Variants in SRP68 observed in about 807,000 individuals in gnomAD.
The protein encoded by SRP68 is signal recognition particle 68, also known as signal recognition particle subunit SRP68.
SRP68 carries 15 observed loss-of-function variants against 82.2 expected under a neutral mutation model. The observed-to-expected ratio is 0.18, with a 90% CI of 0.12 to 0.28. SRP68 has a LOEUF of 0.28. Ranked by LOEUF, SRP68 falls within the 10% of genes least tolerant of loss-of-function variation. The pLI is 1.00. For missense variants in SRP68, 595 were observed against 780.5 expected (o/e 0.76, Z 2.83); for synonymous variants, 261 against 292.6 (o/e 0.89, Z 1.10).
intron 4 of SRP68, among the ~76,000 whole-genome samples, chr17:76,063,077 A>G (rs1252030890): frequency 1.3e-5 from 2 of 151,872 alleles, no homozygotes; most frequent in African/African-American, 4.8e-5. Context: ...GCCTAAGAAT[A>G]TAGATATATT....
chr17:76,064,550 C>G, intron 3 of SRP68, among the ~76,000 whole-genome samples: 1 of 152,092 alleles, frequency 6.6e-6, no homozygotes, highest in East Asian at 1.9e-4. Context: ...CCTTAAGAGG[C>G]AGTATATTGC....
chr17:76,060,482 T>G (rs971824081), intron 6 of SRP68, 92 bp from the exon 7 acceptor site: 10 of 807,424 alleles, frequency 1.2e-5, no homozygotes, highest in Non-Finnish European at 2.1e-5. Flanking sequence ...CTCTTCCCCC[T>G]CCACATGCTA....
Position 76,072,128 on chromosome 17 carries a change from A to G in SRP68, c.184+180T>C, listed in dbSNP as rs1349540333. On this transcript the variant is annotated intron_variant, in intron 1 of 15. Coordinates refer to ENST00000307877, the MANE Select transcript of SRP68 (RefSeq NM_014230.4). This position sits in a 1 kb window ranked among gnomAD's most constrained non-coding sequence, Gnocchi z 4.5. ...CCAGGACGGCGAGGGGGACACGAGG[A>G]AAGACTAGTCGAGAGACAGACCCCC... 7.4e-6 allele frequency: 9 copies of G among 1,212,892 alleles called. No homozygotes were observed. The highest frequency in any genetic ancestry group is 1.0e-5 in the Non-Finnish European group (9 of 879,962). The allele number at this position is 1,212,892 out of a possible 1,614,324, so 75.1% of individuals were successfully genotyped here. A position where few individuals can be genotyped will look rare whatever the true frequency, so the allele number is the denominator to read the frequency against.
At chr17:76,060,034 G>A (rs1443439295) in intron 7 of SRP68, among the ~76,000 whole-genome samples, 1 of 142,284 alleles carries the variant, frequency 7.0e-6, no homozygotes, top group Non-Finnish European at 1.5e-5. Flanking sequence ...GCTGAGGCAG[G>A]AGAATGTCGT....
intron 9 of SRP68, chr17:76,048,219 T>C (rs955825682): frequency 2.2e-5 from 5 of 223,700 alleles, no homozygotes; most frequent in Non-Finnish European, 4.4e-5. Context: ...TGAGACTTCC[T>C]GTCCACTCCT....
rs2066815182 is a variant in SRP68 at position 76,067,348 on chromosome 17, C to T, written c.252-18G>A. 1.3e-6 allele frequency: 2 copies of T among 1,569,524 alleles called. No individual in the cohort carries two copies. Among genetic ancestry groups the T allele is most frequent in the Non-Finnish European group, 1.8e-6 (2 of 1,142,312 alleles). ...AGTAGCCCCTGTAAGAAACCACAAACAAAACTCACTCAGCCAAGCTGAGAG... is the reference window on the plus strand; with the variant it reads ...AGTAGCCCCTGTAAGAAACCACAAATAAAACTCACTCAGCCAAGCTGAGAG... On this transcript the variant is annotated intron_variant, in intron 2 of 15. Coordinates refer to ENST00000307877, the MANE Select transcript of SRP68 (RefSeq NM_014230.4).
chr17:76,039,445 C>G lies in SRP68; in HGVS notation c.*261G>C. 1.6e-6 allele frequency: 1 copy of G among 632,380 alleles called. No individual in the cohort carries two copies. The highest frequency in any genetic ancestry group is 1.5e-5 in the South Asian group (1 of 65,646). 39.2% of individuals were successfully genotyped at this position (632,380 alleles called of 1,614,324 possible). A position where few individuals can be genotyped will look rare whatever the true frequency, so the allele number is the denominator to read the frequency against. ...CAATCAATCACAGCTCACAGGGCAC[C>G]AGACAGCAGCGGCCCCTTTCCCAGG... On this transcript the variant is annotated 3_prime_UTR_variant, in exon 16 of 16. Coordinates refer to ENST00000307877, the MANE Select transcript of SRP68 (RefSeq NM_014230.4).
At chr17:76,040,003 C>T in intron 15 of SRP68, 70 bp from the exon 16 acceptor site, 2 of 1,481,294 alleles carry the variant, frequency 1.4e-6, no homozygotes, top group Non-Finnish European at 1.9e-6. Context: ...TTCCTGAGTG[C>T]CGACTGCCTG....
In SRP68 at chr17:76,067,475, A is replaced by AT. The variant is rs1212707670; in HGVS notation, c.252-146dup. 6.2e-6 allele frequency: 4 copies of AT among 640,582 alleles called. No homozygotes were observed. In the East Asian group the frequency reaches 1.2e-4, roughly 19 times the overall value. The allele number at this position is 640,582 out of a possible 1,614,324, so 39.7% of individuals were successfully genotyped here. ...AATTATCACATATCAGCTTCCAAAC[A>AT]TTTTTTTCTTTTCTTTGAGACAGAG... On this transcript the variant is annotated intron_variant, in intron 2 of 15. Transcript: ENST00000307877.
chr17:76,061,048 G>C, intron 6 of SRP68, 62 bp downstream of exon 6: 1 of 987,608 alleles, frequency 1.0e-6, no homozygotes, highest in South Asian at 1.3e-5. Context: ...TCTGAAGTGA[G>C]CTCCCAATAG....
At chr17:76,045,048 C>T in intron 12 of SRP68, 1 of 367,342 alleles carries the variant, frequency 2.7e-6, no homozygotes, top group South Asian at 5.4e-5. Flanking sequence ...AGCGAGGAAG[C>T]CAAGTTTAAC....
intron 8 of SRP68, among the ~76,000 whole-genome samples, chr17:76,054,747 C>T (rs781087858): frequency 3.6e-4 from 54 of 151,560 alleles, no homozygotes; most frequent in Non-Finnish European, 3.1e-4. Context: ...CACTTGAACC[C>T]GGGACACGGA....
chr17:76,061,429 T>C, intron 5 of SRP68, 63 bp downstream of exon 5: 1 of 1,419,442 alleles, frequency 7.0e-7, no homozygotes, highest in Non-Finnish European at 9.9e-7. Flanking sequence ...CTATCTGATC[T>C]GCAGCTTAAA....
rs781017778 is a variant in SRP68 at position 76,040,892 on chromosome 17, AG to A, written c.1600+10del. On this transcript the variant is annotated intron_variant, in intron 14 of 15. Coordinates refer to ENST00000307877, the MANE Select transcript of SRP68 (RefSeq NM_014230.4). Reference sequence around the variant, plus strand: ...AAGTCTGGGGATACAAAGGCCAGGCAGGGGGCTCACCAAGGATGGCTGCGGC... The same window carrying A: ...AAGTCTGGGGATACAAAGGCCAGGCAGGGGCTCACCAAGGATGGCTGCGGC... 51 of 1,613,606 alleles carry A rather than the reference AG, an allele frequency of 3.2e-5. No individual in the cohort carries two copies. Among genetic ancestry groups the A allele is most frequent in the Non-Finnish European group, 4.2e-5 (50 of 1,179,784 alleles).
chr17:76,060,916 A>G (rs1174452417), intron 6 of SRP68, among the ~76,000 whole-genome samples, 194 bp downstream of exon 6: 1 of 152,242 alleles, frequency 6.6e-6, no homozygotes, highest in Non-Finnish European at 1.5e-5. Context: ...ACACAGAAGC[A>G]GAACCGTCTT....
At chr17:76,070,287 A>G (rs1675218254) in intron 2 of SRP68, 91 bp downstream of exon 2, 1 of 973,790 alleles carries the variant, frequency 1.0e-6, no homozygotes, top group Admixed American at 2.1e-5. Flanking sequence ...ACTTTCTAGC[A>G]TATTTGCTGA....
At chr17:76,069,012 A>AATAT (rs148525020) in intron 2 of SRP68, among the ~76,000 whole-genome samples, 75 of 148,084 alleles carry the variant, frequency 5.1e-4, no homozygotes, top group East Asian at 9.8e-4. Context: ...TAAATAAATA[A>AATAT]ATATATATAT....
At chr17:76,052,869 T>C (rs144832372) in intron 8 of SRP68, among the ~76,000 whole-genome samples, 1 of 143,530 alleles carries the variant, frequency 7.0e-6, no homozygotes. Flanking sequence ...ATGGCACATA[T>C]ATACCTATAT....
chr17:76,040,388 G>C (rs199987112), intron 15 of SRP68, 31 bp downstream of exon 15: 1 of 1,601,002 alleles, frequency 6.2e-7, no homozygotes, highest in East Asian at 2.2e-5. Context: ...ATCCTGCTTC[G>C]TATTCCTCAA....
Sources: gnomAD v4.1 joint callset for allele counts (sites outside exome capture counted in the v4.1 genomes callset) on GRCh38, gnomAD v4.1.1 for gene constraint, Gnocchi (gnomAD v3.1) non-coding constraint, MANE v1.5 for transcripts, NCBI Gene and HGNC (gene_info 2026-07-23, HGNC 2026-07-21) for gene names.